ZNF436: variants seen among roughly 807,000 people sequenced by gnomAD.
ZNF436 encodes DNA-binding protein.
ZNF436 carries 22 observed loss-of-function variants against 41.9 expected under a neutral mutation model. That is an observed-to-expected ratio of 0.53 (90% CI 0.38 to 0.75). The LOEUF is 0.75. Ranked by LOEUF, ZNF436 falls within the 30% of genes least tolerant of loss-of-function variation. ZNF436 has a pLI of 0.00. For missense variants in ZNF436, 506 were observed against 587.3 expected (o/e 0.86, Z 1.43); for synonymous variants, 217 against 197.8 (o/e 1.10, Z -0.82).
intron 1 of ZNF436, 62 bp from the exon 2 acceptor site, chr1:23,368,127 C>A (rs1638403826): frequency 4.4e-6 from 5 of 1,147,032 alleles, no homozygotes; most frequent in Non-Finnish European, 6.3e-6. Flanking sequence ...CTCCCCAGGG[C>A]TGGAGTTCTG....
rs555380070 is a variant in ZNF436, at chr1:23,360,863, C to G, written c.*1106G>C. ...TCACATTGGAGTTATGTCTGTACTT[C>G]TGTCACATGACTCACATCACCCAAG... On this transcript the variant is annotated 3_prime_UTR_variant, in exon 4 of 4. Coordinates refer to ENST00000314011, the MANE Select transcript of ZNF436 (RefSeq NM_001077195.2). The G allele has an allele frequency of 6.5e-6, 1 of 152,798 alleles. No individual in the cohort carries two copies. Among genetic ancestry groups the G allele is most frequent in the South Asian group, 2.1e-4 (1 of 4,834 alleles). The allele number at this position is 152,798 out of a possible 1,614,324, so 9.5% of individuals were successfully genotyped here. A position where few individuals can be genotyped will look rare whatever the true frequency, so the allele number is the denominator to read the frequency against.
In ZNF436 at chr1:23,362,105, C is replaced by T. The variant is rs772858997; in HGVS notation, c.1277G>A (p.Gly426Asp). 28 of 1,613,794 alleles carry T rather than the reference C, an allele frequency of 1.7e-5. No homozygotes were observed. The South Asian group carries it at 3.0e-4, about 17-fold the overall frequency. ...KPYECVQCGKGFTQSSNLITH... is the reference protein window; with the variant it reads ...KPYECVQCGKDFTQSSNLITH... ...GATGAGGTTGGAGCTCTGGGTGAAA[C>T]CTTTCCCACACTGCACACACTCGTA... is the stretch of plus-strand genomic sequence containing the variant. Residue 426 changes from glycine (G) to aspartate (D), a missense_variant, in exon 4 of 4, where the codon GGT (glycine) becomes GAT (aspartate). This residue lies in a region of ZNF436 where 278 missense variants were observed against 372.1 expected (regional missense o/e 0.75). Coordinates refer to ENST00000314011, the MANE Select transcript of ZNF436 (RefSeq NM_001077195.2).
At position 23,362,314 on chromosome 1, in the gene ZNF436, G is replaced by A. The variant is rs1190843610; in HGVS notation, c.1068C>T (p.His356=). The change falls in exon 4 of 4, where the codon CAC becomes CAT. Residue 356 remains histidine (H), a synonymous_variant. Coordinates refer to ENST00000314011, the MANE Select transcript of ZNF436 (RefSeq NM_001077195.2). ...TGCATTCATATGGCTTCTCTCCAGTGTGAGTTCTCTGGTGCTGAACCAAGT... is the reference window on the plus strand; with the variant it reads ...TGCATTCATATGGCTTCTCTCCAGTATGAGTTCTCTGGTGCTGAACCAAGT... ...ISHLVQHQRT[H]TGEKPYECNA... 1.2e-6 allele frequency: 2 copies of A among 1,614,018 alleles called. No individual in the cohort carries two copies. The highest frequency in any genetic ancestry group is 2.2e-5 in the South Asian group (2 of 91,076).
rs981455677 is a variant in ZNF436, at chr1:23,361,317, T to C, written c.*652A>G. ...TTGGTCCCCAAACCTGTGTCTCATT[T>C]TTCCTTTCCAACCGTATCTTCAGTT... On this transcript the variant is annotated 3_prime_UTR_variant, in exon 4 of 4. Transcript: ENST00000314011. 2.0e-5 allele frequency: 3 copies of C among 152,710 alleles called. No homozygotes were observed. Among genetic ancestry groups the C allele is most frequent in the Non-Finnish European group, 4.4e-5 (3 of 68,070 alleles). The allele number at this position is 152,710 out of a possible 1,614,324, so 9.5% of individuals were successfully genotyped here.
At chr1:23,364,783 C>G (rs1443227207) in intron 3 of ZNF436, among the ~76,000 whole-genome samples, 1 of 152,164 alleles carries the variant, frequency 6.6e-6, no homozygotes, top group African/African-American at 2.4e-5. Context: ...GAGTTTTATA[C>G]CAGACACTGC....
At position 23,361,916 on chromosome 1, in the gene ZNF436, C is replaced by A; in HGVS notation, c.*53G>T. On this transcript the variant is annotated 3_prime_UTR_variant, in exon 4 of 4. Transcript: ENST00000314011. ...CAGTCTTGAGGGCGTTCATTGATAT[C>A]AAATAAAATTGTATCTTCAAATGAA... 1 of 1,517,582 alleles carries A rather than the reference C, an allele frequency of 6.6e-7. No homozygotes were observed. Among genetic ancestry groups the A allele is most frequent in the Non-Finnish European group, 8.8e-7 (1 of 1,133,010 alleles). 94.0% of individuals were successfully genotyped at this position (1,517,582 alleles called of 1,614,324 possible).
In ZNF436 at chr1:23,361,441, A is replaced by G. The variant is rs1646996486; in HGVS notation, c.*528T>C. 2.6e-5 allele frequency: 4 copies of G among 153,012 alleles called. No individual in the cohort carries two copies. In the South Asian group the frequency reaches 8.3e-4, roughly 32 times the overall value. The allele number at this position is 153,012 out of a possible 1,614,324, so 9.5% of individuals were successfully genotyped here. ...CTTCATCGTGCAAAATCTTGCCCTCAGGAAGATGGAAAAGATACAAATGCA... is the reference window on the plus strand; with the variant it reads ...CTTCATCGTGCAAAATCTTGCCCTCGGGAAGATGGAAAAGATACAAATGCA... On this transcript the variant is annotated 3_prime_UTR_variant, in exon 4 of 4. Coordinates refer to ENST00000314011, the MANE Select transcript of ZNF436 (RefSeq NM_001077195.2).
Position 23,360,549 on chromosome 1 carries a change from G to T in ZNF436, c.*1420C>A, listed in dbSNP as rs1646987532. On this transcript the variant is annotated 3_prime_UTR_variant, in exon 4 of 4. Transcript: ENST00000314011. ...AACTGACACTACTGGGCTTAAATTG[G>T]GCGAACTGTTATTTTAACCTCTTAT... The T allele has an allele frequency of 6.6e-6, 1 of 152,122 alleles. No individual in the cohort carries two copies. 9.4% of individuals were successfully genotyped at this position (152,122 alleles called of 1,614,324 possible).
chr1:23,362,818 A>G lies in ZNF436; in HGVS notation c.564T>C (p.His188=). The G allele has an allele frequency of 6.2e-7, 1 of 1,614,164 alleles. No homozygotes were observed. The highest frequency in any genetic ancestry group is 2.2e-5 in the East Asian group (1 of 44,876). The change falls in exon 4 of 4, where the codon CAT becomes CAC. Residue 188 remains histidine (H), a synonymous_variant. Transcript: ENST00000314011. Reference sequence around the variant, plus strand: ...TACAGTCATAAGGCCTCTCCCCAGTATGTGTTCTTTGATGCTGAATAAGGT... The same window carrying G: ...TACAGTCATAAGGCCTCTCCCCAGTGTGTGTTCTTTGATGCTGAATAAGGT... ...SSHLIQHQRT[H]TGERPYDCNE... is the part of the protein sequence containing the mutation.
rs1429257747 is a variant in ZNF436 at position 23,359,554 on chromosome 1, G to A, written c.*2415C>T. 6.6e-6 allele frequency: 1 copy of A among 152,420 alleles called. No individual in the cohort carries two copies. Among genetic ancestry groups the A allele is most frequent in the African/African-American group, 2.4e-5 (1 of 41,426 alleles). The allele number at this position is 152,420 out of a possible 1,614,324, so 9.4% of individuals were successfully genotyped here. A position where few individuals can be genotyped will look rare whatever the true frequency, so the allele number is the denominator to read the frequency against. On this transcript the variant is annotated 3_prime_UTR_variant, in exon 4 of 4. Transcript: ENST00000314011. ...GGAAAACTGTTCTACATATTGATTT[G>A]TTCATTAATTCTCCACAACCATAGA...
At chr1:23,365,429 A>G (rs1035409250) in intron 3 of ZNF436, among the ~76,000 whole-genome samples, 5 of 150,266 alleles carry the variant, frequency 3.3e-5, no homozygotes, top group Admixed American at 1.3e-4. Context: ...AAAAATAAAA[A>G]GAAGCTGAGC....
chr1:23,361,943 C>G lies in ZNF436; in HGVS notation c.*26G>C, dbSNP rs543614441. ...AATAAAATTGTATCTTCAAATGAAT[C>G]ATTTCTCAGCCATCATAATTACAGC... On this transcript the variant is annotated 3_prime_UTR_variant, in exon 4 of 4. Transcript: ENST00000314011. The G allele has an allele frequency of 1.3e-6, 2 of 1,544,414 alleles. No homozygotes were observed. The highest frequency in any genetic ancestry group is 4.5e-5 in the East Asian group (2 of 44,274).
chr1:23,368,737 G>C (rs1638423853), intron 1 of ZNF436, among the ~76,000 whole-genome samples: 1 of 152,228 alleles, frequency 6.6e-6, no homozygotes, highest in Admixed American at 6.5e-5. Flanking sequence ...TATCTGCGAA[G>C]TCAGGCCAAT....
Position 23,362,473 on chromosome 1 carries a change from C to G in ZNF436, c.909G>C (p.Glu303Asp). The G allele has an allele frequency of 6.2e-7, 1 of 1,614,148 alleles. No homozygotes were observed. Among genetic ancestry groups the G allele is most frequent in the Non-Finnish European group, 8.5e-7 (1 of 1,179,970 alleles). The change falls in exon 4 of 4, where the codon GAG (glutamate) becomes GAC (aspartate). Residue 303 changes from glutamate (E) to aspartate (D), a missense_variant. Physicochemically the swap from Glu to Asp is conservative, Grantham distance 45 (BLOSUM62 2). Transcript: ENST00000314011. The part of the protein sequence containing the change: ...LIKHYRVHTG[E>D]RPYKCDECGK... ...CACACTCATCACACTTGTAGGGCCT[C>G]TCCCCTGTGTGGACTCGATAGTGTT...
rs1646991975 is a variant in ZNF436, at chr1:23,360,955, TA to T, written c.*1013del. ...CCACAGGAATACACATTACTGTACA[TA>T]CACATGCCCTGATGCAAGCTAAGAT... On this transcript the variant is annotated 3_prime_UTR_variant, in exon 4 of 4. Coordinates refer to ENST00000314011, the MANE Select transcript of ZNF436 (RefSeq NM_001077195.2). 1 of 152,714 alleles carries T rather than the reference TA, an allele frequency of 6.5e-6. No individual in the cohort carries two copies. The highest frequency in any genetic ancestry group is 2.4e-5 in the African/African-American group (1 of 41,556). The allele number at this position is 152,714 out of a possible 1,614,324, so 9.5% of individuals were successfully genotyped here.
chr1:23,368,757 G>A (rs1241527586), intron 1 of ZNF436, among the ~76,000 whole-genome samples: 1 of 152,230 alleles, frequency 6.6e-6, no homozygotes, highest in Non-Finnish European at 1.5e-5. Flanking sequence ...TTTAGGCGCT[G>A]GCCTGTGTTG....
chr1:23,360,701 G>A lies in ZNF436; in HGVS notation c.*1268C>T, dbSNP rs1646989295. On this transcript the variant is annotated 3_prime_UTR_variant, in exon 4 of 4. Transcript: ENST00000314011. Reference sequence around the variant, plus strand: ...TGAGAATAGGACAATCGACCTATTTGTCTGGTCATTATCTTCCACAATTGA... The same window carrying A: ...TGAGAATAGGACAATCGACCTATTTATCTGGTCATTATCTTCCACAATTGA... The A allele has an allele frequency of 6.6e-6, 1 of 152,632 alleles. No individual in the cohort carries two copies. Among genetic ancestry groups the A allele is most frequent in the African/African-American group, 2.4e-5 (1 of 41,440 alleles). The allele number at this position is 152,632 out of a possible 1,614,324, so 9.5% of individuals were successfully genotyped here.
chr1:23,362,859 A>G lies in ZNF436; in HGVS notation c.523T>C (p.Phe175Leu). The change falls in exon 4 of 4, where the codon TTC (phenylalanine) becomes CTC (leucine). Residue 175 changes from phenylalanine (F) to leucine (L), a missense_variant. This residue lies in a region of ZNF436 where 228 missense variants were observed against 215.1 expected (regional missense o/e 1.06). Coordinates refer to ENST00000314011, the MANE Select transcript of ZNF436 (RefSeq NM_001077195.2). ...PYKCYECGKG[F>L]SRSSHLIQHQ... Reference sequence around the variant, plus strand: ...TGAATAAGGTGTGAGCTGCGACTGAAGCCTTTTCCACATTCATAACATTTA... The same window carrying G: ...TGAATAAGGTGTGAGCTGCGACTGAGGCCTTTTCCACATTCATAACATTTA... The G allele has an allele frequency of 6.2e-7, 1 of 1,614,200 alleles. No homozygotes were observed. The highest frequency in any genetic ancestry group is 8.5e-7 in the Non-Finnish European group (1 of 1,180,034).
intron 3 of ZNF436, 88 bp downstream of exon 3, chr1:23,366,954 C>A: frequency 1.4e-6 from 2 of 1,431,340 alleles, no homozygotes; most frequent in East Asian, 2.4e-5. Context: ...TTTAAAAAAT[C>A]AAACCACTAG....
Sources: allele counts gnomAD v4.1 joint callset (sites outside exome capture counted in the v4.1 genomes callset), GRCh38; gene constraint gnomAD v4.1.1; regional missense constraint gnomAD v4.1.1; transcripts MANE v1.5; gene names NCBI Gene and HGNC (gene_info 2026-07-23, HGNC 2026-07-21).